The following ZNF69 variants were observed in gnomAD, a reference collection of about 807,000 sequenced individuals.
ZNF69 encodes zinc finger protein 69, also known as ZNF3.
A neutral mutation model predicts 50.9 loss-of-function variants in ZNF69; 47 were observed. The ratio of observed to expected loss-of-function variants is 0.92; its 90% CI spans 0.73 to 1.18. The LOEUF (loss-of-function observed/expected upper bound fraction) is 1.18, where lower values mean the gene tolerates loss of function less well. ZNF69 is among the 50% of genes most tolerant of loss of function. The probability of loss-of-function intolerance (pLI) is 0.00; values close to 1 mark genes in which losing one functional copy is unlikely to be tolerated. For synonymous variants in ZNF69, 216 were observed against 223.1 expected, an observed-to-expected ratio of 0.97 and a Z score of 0.29; for missense variants, 717 against 675.1, an observed-to-expected ratio of 1.06 and a Z score of -0.69.
At chr19:11,927,534 C>A in the ZNF69 span, among the ~76,000 whole-genome samples, 1 of 152,052 alleles carries the variant, frequency 6.6e-6, no homozygotes, top group Non-Finnish European at 1.5e-5. Context: ...AGTGGAGGAA[C>A]GTACTGTCTT....
intron 1 of ZNF69, among the ~76,000 whole-genome samples, chr19:11,891,415 GGGAAGGAAGGAAGAA>G (rs1376689876): frequency 3.3e-5 from 5 of 150,636 alleles, no homozygotes; most frequent in African/African-American, 1.2e-4. Flanking sequence ...AAGGGAGGGA[GGGAAGGAAGGAAGAA>G]GGAAGGAAGG....
Position 11,905,646 on chromosome 19 carries a change from GA to G in ZNF69, c.1250del (p.Glu417GlyfsTer40), listed in dbSNP as rs764387333. 26 of 1,613,174 alleles carry G rather than the reference GA, an allele frequency of 1.6e-5. No individual in the cohort carries two copies. The Admixed American group carries it at 3.5e-4, about 22-fold the overall frequency. ...GATTCACACTGGAGAGAAACCCTAT[GA>G]GTGTAAGCAATGTGGGAAGGCCTTC... is the stretch of plus-strand genomic sequence containing the variant. ...ERIHTGEKPY[E>X]CKQCGKAFRS... On this transcript the variant is annotated frameshift_variant, in exon 4 of 4. Coordinates refer to ENST00000429654, the MANE Select transcript of ZNF69 (RefSeq NM_001364730.1). LOFTEE classifies it high-confidence loss of function.
chr19:11,966,967 CA>C, the ZNF69 span, among the ~76,000 whole-genome samples: 1 of 152,132 alleles, frequency 6.6e-6, no homozygotes, highest in Non-Finnish European at 1.5e-5. Context: ...CATCAGACCC[CA>C]AGAGGGTTCT....
the ZNF69 span, among the ~76,000 whole-genome samples, chr19:11,967,400 C>G: frequency 2.0e-5 from 3 of 152,086 alleles, no homozygotes; most frequent in African/African-American, 7.2e-5. Context: ...CAGCAAGACC[C>G]TGTCTCTATT....
the ZNF69 span, chr19:11,948,833 G>T: frequency 1.9e-6 from 3 of 1,609,292 alleles, no homozygotes; most frequent in East Asian, 6.7e-5. Flanking sequence ...ATACATGAAA[G>T]AACTCACACT....
chr19:11,903,154 G>C (rs113364140), intron 1 of ZNF69, among the ~76,000 whole-genome samples: 1 of 152,016 alleles, frequency 6.6e-6, no homozygotes, highest in East Asian at 1.9e-4. Flanking sequence ...ACAACTGCTG[G>C]CCAGGCCTGG....
chr19:11,932,859 A>T, the ZNF69 span, among the ~76,000 whole-genome samples: 1 of 147,770 alleles, frequency 6.8e-6, no homozygotes, highest in Non-Finnish European at 1.5e-5. Context: ...GGATGGTCTC[A>T]ATATCCTGAC....
chr19:11,946,155 C>T, the ZNF69 span, among the ~76,000 whole-genome samples: 256 of 152,268 alleles, frequency 1.7e-3, 3 homozygotes, highest in African/African-American at 5.8e-3. Context: ...TGCCTGAGAC[C>T]TCTGGCTTGG....
the ZNF69 span, among the ~76,000 whole-genome samples, chr19:11,941,524 C>T: frequency 6.6e-6 from 1 of 152,224 alleles, no homozygotes. Context: ...ACACCCTCTG[C>T]AGCCGCTGGC....
intron 1 of ZNF69, among the ~76,000 whole-genome samples, chr19:11,897,574 G>GAA (rs779720252): frequency 1.8e-5 from 2 of 112,832 alleles, no homozygotes. Flanking sequence ...GACCCTGTTT[G>GAA]AAAAAAAAAA....
chr19:11,909,620 C>T (rs183143540), downstream of ZNF69, among the ~76,000 whole-genome samples: 1 of 152,124 alleles, frequency 6.6e-6, no homozygotes, highest in Non-Finnish European at 1.5e-5. Flanking sequence ...ATTCCACAGC[C>T]CTTTATGCTA....
At chr19:11,900,472 C>T (rs1383948181) in intron 1 of ZNF69, among the ~76,000 whole-genome samples, 3 of 151,898 alleles carry the variant, frequency 2.0e-5, no homozygotes. Flanking sequence ...CCTGCCTCAG[C>T]CTCCTGAGTA....
At chr19:11,897,167 G>T (rs1444596189) in intron 1 of ZNF69, among the ~76,000 whole-genome samples, 1 of 152,046 alleles carries the variant, frequency 6.6e-6, no homozygotes, top group Non-Finnish European at 1.5e-5. Context: ...GATGAACATG[G>T]AAAAACCTTG....
chr19:11,974,629 A>T, the ZNF69 span, among the ~76,000 whole-genome samples: 242 of 145,848 alleles, frequency 1.7e-3, 2 homozygotes, highest in African/African-American at 5.8e-3. Context: ...GTGGGGTGTA[A>T]TCTGGCTCTG....
At chr19:11,913,248 C>A (rs939838867) in intron 4 of ZNF69, among the ~76,000 whole-genome samples, 10 of 151,696 alleles carry the variant, frequency 6.6e-5, no homozygotes, top group African/African-American at 2.4e-4. Context: ...ATTAGATCAA[C>A]CTTATACTGT....
At chr19:11,934,622 G>A in the ZNF69 span, among the ~76,000 whole-genome samples, 13 of 147,496 alleles carry the variant, frequency 8.8e-5, no homozygotes, top group Non-Finnish European at 1.8e-4. Flanking sequence ...TGCCTCCCAG[G>A]TTCAAACGAT....
chr19:11,922,001 G>C, the ZNF69 span, among the ~76,000 whole-genome samples: 1 of 151,950 alleles, frequency 6.6e-6, no homozygotes, highest in South Asian at 2.1e-4. Flanking sequence ...AAAAAGAAAA[G>C]CACAAGTTTT....
downstream of ZNF69, among the ~76,000 whole-genome samples, chr19:11,908,376 T>G (rs1249391539): frequency 2.6e-5 from 4 of 152,234 alleles, no homozygotes; most frequent in Admixed American, 1.3e-4. Context: ...TACATTCTTC[T>G]CAGCACCACA....
At chr19:11,979,775 C>A in the ZNF69 span, 1 of 1,581,092 alleles carries the variant, frequency 6.3e-7, no homozygotes, top group Admixed American at 1.7e-5. Flanking sequence ...TGGTAGAACT[C>A]ACACTGGAGA....
Sources: allele counts gnomAD v4.1 joint callset (sites outside exome capture counted in the v4.1 genomes callset), GRCh38; gene constraint gnomAD v4.1.1; transcripts MANE v1.5; gene names NCBI Gene and HGNC (gene_info 2026-07-23, HGNC 2026-07-21).